TPP2: variants seen among roughly 807,000 people sequenced by gnomAD.
TPP2 encodes tripeptidyl peptidase 2.
In TPP2, 34 loss-of-function variants were observed where a neutral mutation model predicts 155.9. The ratio of observed to expected loss-of-function variants is 0.22; its 90% CI spans 0.17 to 0.29. The LOEUF is 0.29. TPP2 is among the 10% of genes least tolerant of loss of function. The pLI is 1.00. For missense variants in TPP2, 1,028 were observed against 1,522.3 expected, an observed-to-expected ratio of 0.68 and a Z score of 5.40; for synonymous variants, 510 against 529.4, an observed-to-expected ratio of 0.96 and a Z score of 0.50.
In TPP2 at chr13:102,676,287, A is replaced by G. The variant is rs1256330014; in HGVS notation, c.3580-9A>G. 2 of 1,583,692 alleles carry G rather than the reference A, an allele frequency of 1.3e-6. No homozygotes were observed. Among genetic ancestry groups the G allele is most frequent in the Admixed American group, 3.5e-5 (2 of 56,972 alleles). ...TTATAAACAAGCTTTATCATGTTTT[A>G]CATTGTAGGTTTTGACATTTGCATA... On this transcript the variant is annotated splice_polypyrimidine_tract_variant and intron_variant, in intron 28 of 29. Coordinates refer to ENST00000376052, the MANE Select transcript of TPP2 (RefSeq NM_001330588.2).
intron 15 of TPP2, 96 bp downstream of exon 15, chr13:102,638,411 C>A: frequency 1.5e-6 from 2 of 1,297,182 alleles, no homozygotes; most frequent in South Asian, 1.2e-5. Flanking sequence ...TAATACAGAA[C>A]CAGGTAATGG....
rs143435327 is a variant in TPP2 at position 102,620,371 on chromosome 13, A to G, written c.620+1525A>G. ...GAACATTTTATTATAATAAATGAAT[A>G]TAGCATAATTATACTTTCAGGTGGT... is the stretch of plus-strand genomic sequence containing the variant. On this transcript the variant is annotated intron_variant, in intron 5 of 29. Coordinates refer to ENST00000376052, the MANE Select transcript of TPP2 (RefSeq NM_001330588.2). 5.3e-3 allele frequency among the ~76,000 whole-genome samples: 809 copies of G among 152,362 alleles called. 7 individuals are homozygous for G. The highest frequency in any genetic ancestry group is 0.018 in the African/African-American group (752 of 41,588).
intron 23 of TPP2, 24 bp from the exon 24 acceptor site, chr13:102,651,335 A>C: frequency 6.4e-7 from 1 of 1,571,852 alleles, no homozygotes; most frequent in Non-Finnish European, 8.6e-7. Context: ...ATGTTTTCTT[A>C]CAGAATGTCG....
At chr13:102,645,794 A>G (rs1210216194) in intron 19 of TPP2, among the ~76,000 whole-genome samples, 1 of 152,198 alleles carries the variant, frequency 6.6e-6, no homozygotes, top group Non-Finnish European at 1.5e-5. Flanking sequence ...AAATCTGTAC[A>G]TTAGCAACTT....
intron 2 of TPP2, chr13:102,607,647 C>G (rs1408297899): frequency 2.2e-6 from 1 of 448,524 alleles, no homozygotes; most frequent in African/African-American, 2.0e-5. Flanking sequence ...AGTACAATGG[C>G]ACAATCTCGG....
chr13:102,626,896 C>A, intron 6 of TPP2, 116 bp from the exon 7 acceptor site: 2 of 1,067,368 alleles, frequency 1.9e-6, no homozygotes, highest in Non-Finnish European at 2.5e-6. Context: ...TCTCCATGAA[C>A]AGGGTAGCAG....
intron 2 of TPP2, among the ~76,000 whole-genome samples, chr13:102,608,413 C>T (rs937571422): frequency 4.0e-5 from 6 of 151,798 alleles, no homozygotes; most frequent in Non-Finnish European, 8.8e-5. Context: ...ACTTCCTCTC[C>T]GTTGTTTTGC....
chr13:102,669,813 GGGGCCAGGCAGTGAGCTGT>G (rs1272653643), intron 27 of TPP2, among the ~76,000 whole-genome samples: 2 of 152,120 alleles, frequency 1.3e-5, no homozygotes, highest in African/African-American at 4.8e-5. Context: ...CATAAGCTAG[GGGGCCAGGCAGTGAGCTGT>G]GGGCCCAAAT....
At chr13:102,626,938 A>G (rs987501204) in intron 6 of TPP2, 74 bp from the exon 7 acceptor site, 10 of 1,373,666 alleles carry the variant, frequency 7.3e-6, no homozygotes, top group Non-Finnish European at 9.7e-6. Context: ...CATGATTAAT[A>G]ATATGCAAAT....
At position 102,678,751 on chromosome 13, in the gene TPP2, A is replaced by G. The variant is rs1169418867; in HGVS notation, c.*435A>G. The stretch of plus-strand genomic sequence containing the variant: ...AAAAGCTACATTAAGCGTAGCTAAA[A>G]TTATTTATTGGACTAAAAACTAACA... On this transcript the variant is annotated 3_prime_UTR_variant, in exon 30 of 30. Transcript: ENST00000376052. 6.6e-6 allele frequency: 1 copy of G among 152,548 alleles called. No individual in the cohort carries two copies. The highest frequency in any genetic ancestry group is 1.5e-5 in the Non-Finnish European group (1 of 68,126). The allele number at this position is 152,548 out of a possible 1,614,324, so 9.4% of individuals were successfully genotyped here.
chr13:102,619,613 T>G (rs1363564004), intron 5 of TPP2, among the ~76,000 whole-genome samples: 2 of 152,218 alleles, frequency 1.3e-5, no homozygotes, highest in Non-Finnish European at 1.5e-5. Context: ...TGCACCCTTC[T>G]TAAAGGAGGG....
intron 6 of TPP2, among the ~76,000 whole-genome samples, chr13:102,623,905 A>G (rs1881354433): frequency 6.6e-6 from 1 of 152,286 alleles, no homozygotes; most frequent in Admixed American, 6.5e-5. Context: ...CAGCATCTCT[A>G]CATGACTTCT....
At chr13:102,669,151 T>C (rs1884805091) in intron 27 of TPP2, among the ~76,000 whole-genome samples, 2 of 152,234 alleles carry the variant, frequency 1.3e-5, no homozygotes, top group Non-Finnish European at 2.9e-5. Flanking sequence ...AGCAAAATGC[T>C]CTTCTATAGC....
intron 29 of TPP2, among the ~76,000 whole-genome samples, chr13:102,677,374 C>G (rs867173712): frequency 9.9e-5 from 15 of 152,188 alleles, no homozygotes; most frequent in African/African-American, 3.6e-4. Flanking sequence ...CCACTCTGCC[C>G]CCCCCGCTGC....
At chr13:102,666,766 C>CTTTTTTTTTTTTTTTTTTTTTTTTTTT in intron 27 of TPP2, among the ~76,000 whole-genome samples, 9 of 55,732 alleles carry the variant, frequency 1.6e-4, no homozygotes, top group African/African-American at 3.1e-4. Flanking sequence ...TTTTTAATCT[C>CTTTTTTTTTTTTTTTTTTTTTTTTTTT]TTTTTTTTTT....
Position 102,616,236 on chromosome 13 carries a change from C to T in TPP2, c.391-160C>T, listed in dbSNP as rs889296040. On this transcript the variant is annotated intron_variant, in intron 3 of 29. Coordinates refer to ENST00000376052, the MANE Select transcript of TPP2 (RefSeq NM_001330588.2). ...CCTTCCAAATTGTTAGGATTACAGG[C>T]GTGAGCCACCACACCCGGCCAAAAA... is the stretch of plus-strand genomic sequence containing the variant. Among the ~76,000 whole-genome samples the T allele has an allele frequency of 3.9e-5, 6 of 152,316 alleles. No individual in the cohort carries two copies. In the East Asian group the frequency reaches 5.8e-4, roughly 15 times the overall value.
chr13:102,664,967 A>G (rs1347819223), intron 27 of TPP2, 42 bp downstream of exon 27: 1 of 1,602,406 alleles, frequency 6.2e-7, no homozygotes, highest in Admixed American at 1.8e-5. Flanking sequence ...CTCATTTCCT[A>G]GTTAACTTGT....
intron 1 of TPP2, among the ~76,000 whole-genome samples, chr13:102,599,740 C>T (rs1927015): frequency 6.6e-6 from 1 of 152,026 alleles, no homozygotes; most frequent in Non-Finnish European, 1.5e-5. Flanking sequence ...TACCAGGTGC[C>T]TAAGTTTGTG....
At chr13:102,648,609 GGA>G (rs1883293837) in intron 21 of TPP2, among the ~76,000 whole-genome samples, 1 of 152,006 alleles carries the variant, frequency 6.6e-6, no homozygotes, top group South Asian at 2.1e-4. Context: ...TAAAAGTGTG[GGA>G]GTATTCTGTC....
Sources: allele counts gnomAD v4.1 joint callset (sites outside exome capture counted in the v4.1 genomes callset), GRCh38; gene constraint gnomAD v4.1.1; transcripts MANE v1.5; gene names NCBI Gene and HGNC (gene_info 2026-07-23, HGNC 2026-07-21).